CUL1: variants seen among roughly 807,000 people sequenced by gnomAD.
CUL1 encodes cullin-1.
A neutral mutation model predicts 118.0 loss-of-function variants in CUL1; 24 were observed. That is an observed-to-expected ratio of 0.20 (90% CI 0.15 to 0.29). The LOEUF (loss-of-function observed/expected upper bound fraction) is 0.29. CUL1 is among the 10% of genes least tolerant of loss of function. The pLI is 1.00. For synonymous variants in CUL1, 332 were observed against 340.4 expected, an observed-to-expected ratio of 0.98 and a Z score of 0.27; for missense variants, 361 against 933.8, an observed-to-expected ratio of 0.39 and a Z score of 7.99.
At chr7:148,706,044 A>G (rs1797870031) in intron 1 of CUL1, among the ~76,000 whole-genome samples, 1 of 152,172 alleles carries the variant, frequency 6.6e-6, no homozygotes, top group South Asian at 2.1e-4. Flanking sequence ...ACCTCATGTG[A>G]TGGGCCACGG....
chr7:148,750,602 A>G (rs930600523), intron 2 of CUL1, among the ~76,000 whole-genome samples: 3 of 152,098 alleles, frequency 2.0e-5, no homozygotes, highest in African/African-American at 7.2e-5. Flanking sequence ...TTCCAGCTTC[A>G]TCCATGTCCG....
At position 148,713,207 on chromosome 7, in the gene CUL1, A is replaced by G. The variant is rs113366544; in HGVS notation, c.-162+14178A>G. Among the ~76,000 whole-genome samples the G allele has an allele frequency of 1.1e-4, 16 of 152,346 alleles. 1 individual carries two copies. The highest frequency in any genetic ancestry group is 3.8e-4 in the African/African-American group (16 of 41,576). ...ACAAAATACACGCAAGTACCAATCTAGACCATTGAGTAAGCATGATTTAAT... is the reference window on the plus strand; with the variant it reads ...ACAAAATACACGCAAGTACCAATCTGGACCATTGAGTAAGCATGATTTAAT... On this transcript the variant is annotated intron_variant, in intron 1 of 21. Transcript: ENST00000325222.
chr7:148,799,178 A>ACAATTCAAC, intron 20 of CUL1, 97 bp from the exon 21 acceptor site: 1 of 816,486 alleles, frequency 1.2e-6, no homozygotes, highest in Non-Finnish European at 2.0e-6. Flanking sequence ...GATCCTGTGC[A>ACAATTCAAC]TAGGCGTCGG....
intron 9 of CUL1, among the ~76,000 whole-genome samples, chr7:148,768,214 T>C (rs529212015): frequency 5.3e-5 from 8 of 152,202 alleles, no homozygotes; most frequent in African/African-American, 1.4e-4. Context: ...CAGGGCTACA[T>C]AGAATATTCC....
chr7:148,766,930 G>C (rs1800025001), intron 8 of CUL1, among the ~76,000 whole-genome samples: 2 of 152,138 alleles, frequency 1.3e-5, no homozygotes, highest in African/African-American at 4.8e-5. Flanking sequence ...TTTAGAATAT[G>C]ACTTGCTCCA....
chr7:148,760,510 T>C lies in CUL1; in HGVS notation c.789+14T>C. The C allele has an allele frequency of 6.3e-7, 1 of 1,590,294 alleles. No homozygotes were observed. Among genetic ancestry groups the C allele is most frequent in the Non-Finnish European group, 8.6e-7 (1 of 1,165,074 alleles). The stretch of plus-strand genomic sequence containing the variant: ...TATATGAAAAAGGTAAGCTTAAATA[T>C]AGTACTTTAAGTAGACTTAAGTTAA... On this transcript the variant is annotated intron_variant, in intron 7 of 21. Transcript: ENST00000325222.
chr7:148,714,808 C>A (rs893983312), intron 1 of CUL1, among the ~76,000 whole-genome samples: 1 of 152,216 alleles, frequency 6.6e-6, no homozygotes, highest in African/African-American at 2.4e-5. Context: ...ATACCTCCAG[C>A]TGAGAGACAT....
intron 16 of CUL1, 47 bp downstream of exon 16, chr7:148,790,488 T>C: frequency 6.6e-7 from 1 of 1,511,756 alleles, no homozygotes; most frequent in Non-Finnish European, 9.1e-7. Context: ...TAAATGAACA[T>C]AAGGCAAATT....
In CUL1 at chr7:148,767,604, T is replaced by G. The variant is rs1433820990; in HGVS notation, c.953-15T>G. ...ATTTTTTTCAGTGCATAAAAGGGGT[T>G]TCTTCCTCTTTCAGATTTGGGACGC... On this transcript the variant is annotated splice_polypyrimidine_tract_variant and intron_variant, in intron 8 of 21. Coordinates refer to ENST00000325222, the MANE Select transcript of CUL1 (RefSeq NM_003592.3). The G allele has an allele frequency of 6.2e-7, 1 of 1,613,016 alleles. No individual in the cohort carries two copies. Among genetic ancestry groups the G allele is most frequent in the African/African-American group, 1.3e-5 (1 of 74,994 alleles).
At chr7:148,743,803 C>A (rs1004294863) in intron 2 of CUL1, among the ~76,000 whole-genome samples, 4 of 152,110 alleles carry the variant, frequency 2.6e-5, no homozygotes, top group African/African-American at 9.7e-5. Context: ...TGGTGGGCGC[C>A]TGTAGTTACT....
intron 1 of CUL1, among the ~76,000 whole-genome samples, chr7:148,703,831 G>C (rs1401053424): frequency 6.6e-6 from 1 of 152,030 alleles, no homozygotes; most frequent in East Asian, 1.9e-4. Flanking sequence ...GCGCCCGGCC[G>C]TGAGGATATT....
At position 148,787,380 on chromosome 7, in the gene CUL1, T is replaced by C. The variant is rs1225940891; in HGVS notation, c.1479+260T>C. Among the ~76,000 whole-genome samples the C allele has an allele frequency of 6.6e-6, 1 of 152,012 alleles. No individual in the cohort carries two copies. The highest frequency in any genetic ancestry group is 1.5e-5 in the Non-Finnish European group (1 of 67,994). On this transcript the variant is annotated intron_variant, in intron 13 of 21. Transcript: ENST00000325222. This position sits in a 1 kb window ranked among gnomAD's most constrained non-coding sequence, Gnocchi z 5.5. ...GGGAGGCTGAGGCAGGAGAATGGCA[T>C]GAACCCGGGAGGCAGAGGTTGCGGT...
At position 148,737,582 on chromosome 7, in the gene CUL1, ATTTATT is replaced by A. The variant is rs1563154817; in HGVS notation, c.140+7322_140+7327del. Among the ~76,000 whole-genome samples the A allele has an allele frequency of 4.9e-3, 706 of 145,494 alleles. 8 individuals carry two copies. Among genetic ancestry groups the A allele is most frequent in the African/African-American group, 0.015 (609 of 39,768 alleles). ...TGTATATATATATATTTTTATATTT[ATTTATT>A]TATTTATTTATTTATTTATTTATTT... On this transcript the variant is annotated intron_variant, in intron 2 of 21. Transcript: ENST00000325222.
chr7:148,779,319 G>A, intron 9 of CUL1, among the ~76,000 whole-genome samples: 1 of 152,238 alleles, frequency 6.6e-6, no homozygotes, highest in Admixed American at 6.5e-5. Flanking sequence ...CACGGTCCCA[G>A]TGGGCAACAC....
At chr7:148,783,331 C>T (rs1325626331) in intron 9 of CUL1, 19 of 985,304 alleles carry the variant, frequency 1.9e-5, no homozygotes, top group Non-Finnish European at 2.3e-5. Flanking sequence ...GTGGGGGCCG[C>T]AGTCAGACTC....
intron 1 of CUL1, among the ~76,000 whole-genome samples, chr7:148,726,447 C>G (rs1360925055): frequency 6.6e-6 from 1 of 151,422 alleles, no homozygotes; most frequent in Non-Finnish European, 1.5e-5. Context: ...AATACTGATA[C>G]AATTAGGACT....
chr7:148,724,082 C>A (rs1246034850), intron 1 of CUL1, among the ~76,000 whole-genome samples: 1 of 152,144 alleles, frequency 6.6e-6, no homozygotes, highest in East Asian at 1.9e-4. Context: ...TGTAAGTGCT[C>A]TTTTTCAAAA....
rs189184047 is a variant in CUL1, at chr7:148,741,497, G to A, written c.140+11235G>A. Among the ~76,000 whole-genome samples the A allele has an allele frequency of 4.6e-3, 703 of 152,336 alleles. 12 individuals carry two copies. The highest frequency in any genetic ancestry group is 0.016 in the African/African-American group (682 of 41,564). Reference sequence around the variant, plus strand: ...TGCTGTAATTCAGGATGGAGTGCGTGGCGAGATCTCAGCTCACTGCAACCT... The same window carrying A: ...TGCTGTAATTCAGGATGGAGTGCGTAGCGAGATCTCAGCTCACTGCAACCT... On this transcript the variant is annotated intron_variant, in intron 2 of 21. Coordinates refer to ENST00000325222, the MANE Select transcript of CUL1 (RefSeq NM_003592.3).
intron 1 of CUL1, among the ~76,000 whole-genome samples, chr7:148,708,422 A>C (rs1797953873): frequency 6.6e-6 from 1 of 152,090 alleles, no homozygotes; most frequent in Admixed American, 6.5e-5. Flanking sequence ...CTCCCCCATA[A>C]CACTATGTGT....
Sources: gnomAD v4.1 joint callset for allele counts (sites outside exome capture counted in the v4.1 genomes callset) on GRCh38, gnomAD v4.1.1 for gene constraint, Gnocchi (gnomAD v3.1) non-coding constraint, MANE v1.5 for transcripts, NCBI Gene and HGNC (gene_info 2026-07-23, HGNC 2026-07-21) for gene names.